The following UBAC2 variants were observed in gnomAD, a reference collection of about 807,000 sequenced individuals.
UBAC2 encodes UBA domain containing 2.
Under a neutral mutation model 44.0 loss-of-function variants are expected in UBAC2, and 26 were observed. The ratio of observed to expected loss-of-function variants is 0.59; its 90% confidence interval spans 0.43 to 0.82. The LOEUF is 0.82. Among genes scored for constraint, UBAC2 ranks in the 40% least tolerant of loss-of-function variants. The pLI is 0.00. For missense variants in UBAC2, 329 were observed against 419.4 expected, an observed-to-expected ratio of 0.78 and a Z score of 1.88; for synonymous variants, 155 against 154.3, an observed-to-expected ratio of 1.00 and a Z score of -0.04.
Position 99,343,293 on chromosome 13 carries a change from C to T in UBAC2, c.807+2728C>T, listed in dbSNP as rs939908661. On this transcript the variant is annotated intron_variant, in intron 7 of 8. Coordinates refer to ENST00000403766, the MANE Select transcript of UBAC2 (RefSeq NM_001144072.2). Reference sequence around the variant, plus strand: ...TGCAAGTGGGATTCTTGGCTGTTTGCGCACGCCCTCGCTCCAGGATTCTAC... The same window carrying T: ...TGCAAGTGGGATTCTTGGCTGTTTGTGCACGCCCTCGCTCCAGGATTCTAC... Among the ~76,000 whole-genome samples, 7 of 152,218 alleles carry T rather than the reference C, an allele frequency of 4.6e-5. No homozygotes were observed. In the East Asian group the frequency reaches 7.7e-4, roughly 17 times the overall value.
chr13:99,345,741 C>CTTTTTTT (rs766632532), intron 7 of UBAC2, among the ~76,000 whole-genome samples: 1 of 130,930 alleles, frequency 7.6e-6, no homozygotes, highest in African/African-American at 2.7e-5. Context: ...TTTTTTCTTT[C>CTTTTTTT]TTTTTTTTTT....
At chr13:99,204,298 C>T (rs931785288) in intron 1 of UBAC2, among the ~76,000 whole-genome samples, 3 of 152,044 alleles carry the variant, frequency 2.0e-5, no homozygotes, top group Non-Finnish European at 2.9e-5. Context: ...GAAGACTTCC[C>T]AATGTAGCAA....
intron 7 of UBAC2, among the ~76,000 whole-genome samples, chr13:99,346,016 C>T (rs1419893505): frequency 6.6e-6 from 1 of 152,186 alleles, no homozygotes; most frequent in Non-Finnish European, 1.5e-5. Context: ...GCTGGGATTA[C>T]AGGCGTGAGC....
At chr13:99,319,391 G>A (rs1273581476) in intron 6 of UBAC2, among the ~76,000 whole-genome samples, 1 of 152,132 alleles carries the variant, frequency 6.6e-6, no homozygotes, top group Non-Finnish European at 1.5e-5. Flanking sequence ...TGCAATCACT[G>A]TACACATTTC....
intron 1 of UBAC2, among the ~76,000 whole-genome samples, chr13:99,210,127 C>A (rs573105173): frequency 4.7e-4 from 71 of 152,100 alleles, no homozygotes; most frequent in African/African-American, 1.6e-3. Context: ...AGAAAAAAAA[C>A]GGTCCTAGCA....
intron 4 of UBAC2, among the ~76,000 whole-genome samples, chr13:99,259,869 GA>G: frequency 6.6e-6 from 1 of 152,306 alleles, no homozygotes; most frequent in East Asian, 1.9e-4. Flanking sequence ...ATCAAGACTT[GA>G]ATTCTTCACG....
intron 1 of UBAC2, among the ~76,000 whole-genome samples, chr13:99,235,279 A>G (rs2043220500): frequency 6.6e-6 from 1 of 152,246 alleles, no homozygotes; most frequent in Non-Finnish European, 1.5e-5. Context: ...AAGAACTTGA[A>G]GAGGACATAA....
chr13:99,247,308 C>T (rs9517662), intron 4 of UBAC2, among the ~76,000 whole-genome samples: 4 of 150,598 alleles, frequency 2.7e-5, no homozygotes, highest in Admixed American at 1.3e-4. Context: ...TCCGCCTCCC[C>T]GGTTCACGCC....
rs1023641781 is a variant in UBAC2, at chr13:99,385,789, A to C, written c.*454A>C. ...TTTTTTAGTTACTGTTTTTTCTCTC[A>C]AACTTGTTTTCGAATCTCCTGGGAG... On this transcript the variant is annotated 3_prime_UTR_variant, in exon 9 of 9. Transcript: ENST00000403766. 6.1e-6 allele frequency: 1 copy of C among 164,388 alleles called. No homozygotes were observed. Among genetic ancestry groups the C allele is most frequent in the African/African-American group, 2.4e-5 (1 of 41,722 alleles). The allele number at this position is 164,388 out of a possible 1,614,324, so 10.2% of individuals were successfully genotyped here.
At chr13:99,215,248 C>T (rs749752276) in intron 1 of UBAC2, 2 of 649,746 alleles carry the variant, frequency 3.1e-6, no homozygotes, top group Non-Finnish European at 5.6e-6. Context: ...TCCAACTTGC[C>T]CAAATAGAAT....
chr13:99,262,279 A>G (rs1331539941), intron 4 of UBAC2, among the ~76,000 whole-genome samples: 1 of 152,238 alleles, frequency 6.6e-6, no homozygotes. Flanking sequence ...CAGGAAAAAA[A>G]TAGTAAGTAT....
intron 4 of UBAC2, among the ~76,000 whole-genome samples, chr13:99,285,270 C>T (rs2044003580): frequency 6.6e-6 from 1 of 152,042 alleles, no homozygotes. Context: ...GCTGCTGCTG[C>T]TCCTCCTGCT....
At chr13:99,338,241 AG>A (rs2044830387) in intron 6 of UBAC2, among the ~76,000 whole-genome samples, 1 of 151,670 alleles carries the variant, frequency 6.6e-6, no homozygotes, top group African/African-American at 2.4e-5. Context: ...TATTTTTAGT[AG>A]AGACGGGTTT....
chr13:99,242,794 C>T (rs867797482), intron 2 of UBAC2, among the ~76,000 whole-genome samples: 46 of 142,242 alleles, frequency 3.2e-4, no homozygotes, highest in Non-Finnish European at 5.6e-4. Flanking sequence ...ACTTCCCAGA[C>T]GGGGTGGCTG....
intron 4 of UBAC2, among the ~76,000 whole-genome samples, chr13:99,276,946 C>G (rs1183082212): frequency 6.6e-6 from 1 of 152,166 alleles, no homozygotes; most frequent in Non-Finnish European, 1.5e-5. Context: ...TTCCTCTTAG[C>G]ACTTCTGGAA....
intron 4 of UBAC2, among the ~76,000 whole-genome samples, chr13:99,268,611 CAAAAAAAA>C (rs756827927): frequency 0.27 from 20,705 of 75,932 alleles, 1,745 homozygotes; most frequent in Middle Eastern, 0.4. Context: ...GACTCTGTCT[CAAAAAAAA>C]AAAAAAAAAA....
chr13:99,209,510 G>A (rs61968336), intron 1 of UBAC2, among the ~76,000 whole-genome samples: 4,633 of 152,238 alleles, frequency 0.03, 91 homozygotes, highest in Middle Eastern at 0.13. Flanking sequence ...GCCAGGAACT[G>A]TTTGGCTCTC....
At chr13:99,254,600 C>T (rs1377434025) in intron 4 of UBAC2, 12 of 250,524 alleles carry the variant, frequency 4.8e-5, no homozygotes, top group Non-Finnish European at 7.6e-5. Context: ...AGCTCGATTT[C>T]CCCCCTACTG....
Position 99,367,511 on chromosome 13 carries a change from G to A in UBAC2, c.808-276G>A, listed in dbSNP as rs538805193. Among the ~76,000 whole-genome samples, 5 of 152,320 alleles carry A rather than the reference G, an allele frequency of 3.3e-5. No individual in the cohort carries two copies. The East Asian group carries it at 9.6e-4, about 29-fold the overall frequency. On this transcript the variant is annotated intron_variant, in intron 7 of 8. Transcript: ENST00000403766. ...CTGAAATTAGGAGTGTCTGTACAGT[G>A]TCTTTCACTGCCTTCCAGAGCCACA...
Sources: gnomAD v4.1 joint callset for allele counts (sites outside exome capture counted in the v4.1 genomes callset) on GRCh38, gnomAD v4.1.1 for gene constraint, MANE v1.5 for transcripts, NCBI Gene and HGNC (gene_info 2026-07-23, HGNC 2026-07-21) for gene names.